The following TANC2 variants were observed in gnomAD, a reference collection of about 807,000 sequenced individuals.
TANC2 encodes the protein protein TANC2.
In TANC2, 26 loss-of-function variants were observed where a neutral mutation model predicts 210.5. The ratio of observed to expected loss-of-function variants is 0.12; its 90% confidence interval spans 0.09 to 0.17. TANC2 has a LOEUF of 0.17. Ranked by LOEUF, TANC2 falls within the 10% of genes least tolerant of loss-of-function variation. The probability of loss-of-function intolerance (pLI) is 1.00; values close to 1 mark genes in which losing one functional copy is unlikely to be tolerated. For synonymous variants in TANC2, 931 were observed against 967.1 expected (o/e 0.96, Z 0.69); for missense variants, 2,129 against 2,608.9 (o/e 0.82, Z 4.01).
At chr17:63,037,989 C>T (rs1256647756) in intron 2 of TANC2, among the ~76,000 whole-genome samples, 3 of 151,826 alleles carry the variant, frequency 2.0e-5, no homozygotes, top group Non-Finnish European at 4.4e-5. Flanking sequence ...TTTATTTGTT[C>T]CTTTCCAGTA....
intron 27 of TANC2, 31 bp from the exon 28 acceptor site, chr17:63,419,968 C>A: frequency 1.3e-6 from 2 of 1,507,548 alleles, no homozygotes; most frequent in African/African-American, 1.4e-5. Flanking sequence ...CAGAATAACT[C>A]CAGTTCCTGT....
chr17:63,419,051 C>T (rs2147405176), intron 27 of TANC2, among the ~76,000 whole-genome samples: 1 of 152,332 alleles, frequency 6.6e-6, no homozygotes, highest in East Asian at 1.9e-4. Context: ...CCAGAATAAC[C>T]TAGAACCTGC....
chr17:63,400,423 TAA>T (rs2048306466), intron 19 of TANC2, among the ~76,000 whole-genome samples: 1 of 152,236 alleles, frequency 6.6e-6, no homozygotes, highest in Non-Finnish European at 1.5e-5. Flanking sequence ...TCAGGATTTT[TAA>T]AATATTTTAT....
At chr17:63,050,620 A>G (rs2035550249) in intron 2 of TANC2, among the ~76,000 whole-genome samples, 1 of 152,220 alleles carries the variant, frequency 6.6e-6, no homozygotes, top group Non-Finnish European at 1.5e-5. Flanking sequence ...AAGGAGCCCT[A>G]GAGACAGGAG....
At chr17:63,197,196 A>C (rs1251863161) in intron 6 of TANC2, among the ~76,000 whole-genome samples, 1 of 152,176 alleles carries the variant, frequency 6.6e-6, no homozygotes, top group Non-Finnish European at 1.5e-5. Flanking sequence ...TCATTTTCAC[A>C]TTTCTTAAGT....
At chr17:63,000,797 C>T (rs559411521) in intron 1 of TANC2, among the ~76,000 whole-genome samples, 13 of 152,140 alleles carry the variant, frequency 8.5e-5, no homozygotes, top group Admixed American at 7.9e-4. Context: ...ACTGCCTTCT[C>T]CCACTTAGCT....
chr17:63,023,992 C>CT (rs1161764685), intron 2 of TANC2, among the ~76,000 whole-genome samples: 1 of 152,114 alleles, frequency 6.6e-6, no homozygotes, highest in Non-Finnish European at 1.5e-5. Flanking sequence ...TCCATTCATC[C>CT]TTTTTTTATT....
At chr17:63,092,868 T>C (rs1233362443) in intron 3 of TANC2, among the ~76,000 whole-genome samples, 1 of 152,098 alleles carries the variant, frequency 6.6e-6, no homozygotes, top group Non-Finnish European at 1.5e-5. Context: ...ATCCAAACTA[T>C]ATTATCATCC....
intron 3 of TANC2, among the ~76,000 whole-genome samples, chr17:63,080,510 G>C (rs1188256159): frequency 6.6e-6 from 1 of 152,174 alleles, no homozygotes; most frequent in Non-Finnish European, 1.5e-5. Context: ...AAATGCGGAC[G>C]ATGTGGCTTT....
intron 1 of TANC2, among the ~76,000 whole-genome samples, chr17:62,971,705 A>G (rs910153276): frequency 6.6e-6 from 1 of 152,210 alleles, no homozygotes; most frequent in South Asian, 2.1e-4. Context: ...GGTGCACAGC[A>G]GGAGGTGAGT....
chr17:63,320,235 T>G (rs1364153516), intron 11 of TANC2: 1 of 152,200 alleles, frequency 6.6e-6, no homozygotes, highest in Non-Finnish European at 1.5e-5. Flanking sequence ...TTTGGCTAAG[T>G]CATTTCATAA....
intron 2 of TANC2, among the ~76,000 whole-genome samples, chr17:63,057,623 C>T (rs2035852679): frequency 6.6e-6 from 1 of 152,006 alleles, no homozygotes; most frequent in South Asian, 2.1e-4. Flanking sequence ...CTGTTGTTTC[C>T]CTCTTTGTTT....
chr17:63,105,511 C>T (rs1460737715), intron 4 of TANC2, among the ~76,000 whole-genome samples: 1 of 151,542 alleles, frequency 6.6e-6, no homozygotes, highest in Non-Finnish European at 1.5e-5. Context: ...TATACTTATC[C>T]TGCAATTTTT....
At chr17:63,000,730 G>A (rs74438070) in intron 1 of TANC2, among the ~76,000 whole-genome samples, 4,500 of 152,174 alleles carry the variant, frequency 0.03, 85 homozygotes, top group South Asian at 0.037. Flanking sequence ...AAATTTGGAT[G>A]CAAAATTTGG....
intron 9 of TANC2, among the ~76,000 whole-genome samples, chr17:63,303,167 A>T (rs2146504915): frequency 6.6e-6 from 1 of 152,272 alleles, no homozygotes; most frequent in Non-Finnish European, 1.5e-5. Context: ...TATCTCACAC[A>T]CTAGTTGATG....
At chr17:63,007,909 T>G (rs1290087454) in intron 1 of TANC2, among the ~76,000 whole-genome samples, 3 of 151,868 alleles carry the variant, frequency 2.0e-5, no homozygotes, top group African/African-American at 7.2e-5. Flanking sequence ...CTTTTAGTAA[T>G]AAATTATTTG....
chr17:63,082,721 A>G (rs997773048), intron 3 of TANC2, among the ~76,000 whole-genome samples: 1 of 152,046 alleles, frequency 6.6e-6, no homozygotes, highest in Admixed American at 6.5e-5. Context: ...TGATGAGTGG[A>G]AGTTCATTTT....
At chr17:63,092,332 C>A (rs1598386691) in intron 3 of TANC2, among the ~76,000 whole-genome samples, 1 of 151,916 alleles carries the variant, frequency 6.6e-6, no homozygotes, top group South Asian at 2.1e-4. Flanking sequence ...ATATTGTCAC[C>A]AGCAGTATAT....
chr17:63,153,722 C>G (rs534266768), intron 5 of TANC2: 1 of 152,318 alleles, frequency 6.6e-6, no homozygotes, highest in African/African-American at 2.4e-5. Flanking sequence ...GGGGTTCCTT[C>G]TACCACTATT....
Sources: allele counts gnomAD v4.1 joint callset (sites outside exome capture counted in the v4.1 genomes callset), GRCh38; gene constraint gnomAD v4.1.1; transcripts MANE v1.5; gene names NCBI Gene and HGNC (gene_info 2026-07-23, HGNC 2026-07-21).